Variants in CDK13 observed in about 807,000 individuals in gnomAD.
The protein encoded by CDK13 is cyclin dependent kinase 13, also known as cyclin-dependent kinase 13.
Under a neutral mutation model 137.6 loss-of-function variants are expected in CDK13, and 40 were observed. That is an observed-to-expected ratio of 0.29 (90% CI 0.23 to 0.38). CDK13 has a LOEUF of 0.38. Ranked by LOEUF, CDK13 falls within the 10% of genes least tolerant of loss-of-function variation. The pLI, the probability that CDK13 is intolerant of heterozygous loss-of-function variation, is 1.00. For missense variants in CDK13, 1,704 were observed against 1,951.8 expected (o/e 0.87, Z 2.39); for synonymous variants, 869 against 760.1 (o/e 1.14, Z -2.36).
At chr7:39,973,133 C>G (rs975626696) in intron 1 of CDK13, among the ~76,000 whole-genome samples, 1 of 152,044 alleles carries the variant, frequency 6.6e-6, no homozygotes, top group East Asian at 1.9e-4. Flanking sequence ...CTTGTCCACC[C>G]CCACTACCCC....
At position 39,987,637 on chromosome 7, in the gene CDK13, C is replaced by G; in HGVS notation, c.1250C>G (p.Ser417Cys). 1 of 1,610,180 alleles carries G rather than the reference C, an allele frequency of 6.2e-7. No individual in the cohort carries two copies. The highest frequency in any genetic ancestry group is 8.5e-7 in the Non-Finnish European group (1 of 1,179,014). Residue 417 changes from serine (S) to cysteine (C), a missense_variant, in exon 2 of 14, where the codon TCT (serine) becomes TGT (cysteine). By Grantham distance (112) the Ser-to-Cys change is moderately radical (BLOSUM62 -1). This residue lies in a region of CDK13 where 1,051 missense variants were observed against 931.0 expected (regional missense o/e 1.13). Coordinates refer to ENST00000181839, the MANE Select transcript of CDK13 (RefSeq NM_003718.5). ...GKSRSRSPYS[S>C]RHSRSRSRHR... ...TCCCGAAGCAGAAGCCCGTATTCAT[C>G]TAGGCATTCAAGATCTCGTAGCAGG...
intron 5 of CDK13, among the ~76,000 whole-genome samples, chr7:40,015,267 T>G (rs1477884541): frequency 6.6e-6 from 1 of 152,050 alleles, no homozygotes; most frequent in African/African-American, 2.4e-5. Context: ...AGGGAAACTG[T>G]GGGCAAGTAG....
At chr7:39,952,410 C>G (rs1787256299) in intron 1 of CDK13, 1 of 152,062 alleles carries the variant, frequency 6.6e-6, no homozygotes, top group Non-Finnish European at 1.5e-5. Context: ...GTTAAAAAAG[C>G]TTAGGTGGAA....
intron 5 of CDK13, among the ~76,000 whole-genome samples, chr7:40,009,576 GT>G (rs1784855881): frequency 6.6e-6 from 1 of 152,200 alleles, no homozygotes; most frequent in Admixed American, 6.5e-5. Context: ...CATTCTGAAT[GT>G]CCTTAGGGGT....
chr7:40,003,671 G>A (rs1292657964), intron 5 of CDK13, among the ~76,000 whole-genome samples: 2 of 152,146 alleles, frequency 1.3e-5, no homozygotes, highest in African/African-American at 4.8e-5. Context: ...AGCCAAATCA[G>A]TGTATTTGAT....
rs76544918 is a variant in CDK13 at position 40,097,535 on chromosome 7, A to G, written c.*2555A>G. 17 of 152,276 alleles carry G rather than the reference A, an allele frequency of 1.1e-4. No individual in the cohort carries two copies. Among genetic ancestry groups the G allele is most frequent in the African/African-American group, 4.1e-4 (17 of 41,582 alleles). The allele number at this position is 152,276 out of a possible 1,614,324, so 9.4% of individuals were successfully genotyped here. ...CACTAGTTCTGTAGGTTATAACAGC[A>G]GTCATCGCTGAAAATTTGAGTGAAA... is the stretch of plus-strand genomic sequence containing the variant. On this transcript the variant is annotated 3_prime_UTR_variant, in exon 14 of 14. Transcript: ENST00000181839.
Position 40,095,074 on chromosome 7 carries a change from A to T in CDK13, c.*94A>T. On this transcript the variant is annotated 3_prime_UTR_variant, in exon 14 of 14. Transcript: ENST00000181839. ...AATCCAAGAGACTTGAATAATAATA[A>T]TTCAACAACAGCTTTATTTTTATGT... The T allele has an allele frequency of 1.8e-6, 2 of 1,084,132 alleles. No homozygotes were observed. The highest frequency in any genetic ancestry group is 2.5e-6 in the Non-Finnish European group (2 of 812,616). 67.2% of individuals were successfully genotyped at this position (1,084,132 alleles called of 1,614,324 possible).
At chr7:39,988,389 T>G (rs1235661171) in intron 2 of CDK13, 131 bp downstream of exon 2, 1 of 625,320 alleles carries the variant, frequency 1.6e-6, no homozygotes, top group Non-Finnish European at 2.7e-6. Flanking sequence ...ATGAATTTTC[T>G]TGATTATATG....
In CDK13 at chr7:40,097,760, A is replaced by G. The variant is rs558593932; in HGVS notation, c.*2780A>G. Reference sequence around the variant, plus strand: ...AACTCAGTATGTTTCCTACGTCTTCATTATTTGTTGGAGAGTTGCAAGTCA... The same window carrying G: ...AACTCAGTATGTTTCCTACGTCTTCGTTATTTGTTGGAGAGTTGCAAGTCA... On this transcript the variant is annotated 3_prime_UTR_variant, in exon 14 of 14. Coordinates refer to ENST00000181839, the MANE Select transcript of CDK13 (RefSeq NM_003718.5). 2.6e-5 allele frequency: 4 copies of G among 152,218 alleles called. No individual in the cohort carries two copies. Among genetic ancestry groups the G allele is most frequent in the South Asian group, 4.1e-4 (2 of 4,824 alleles). 9.4% of individuals were successfully genotyped at this position (152,218 alleles called of 1,614,324 possible). A position where few individuals can be genotyped will look rare whatever the true frequency, so the allele number is the denominator to read the frequency against.
chr7:39,951,201 C>T lies in CDK13; in HGVS notation c.560C>T (p.Thr187Ile). The T allele has an allele frequency of 8.0e-7, 1 of 1,252,058 alleles. No individual in the cohort carries two copies. The highest frequency in any genetic ancestry group is 1.6e-5 in the African/African-American group (1 of 64,356). 77.6% of individuals were successfully genotyped at this position (1,252,058 alleles called of 1,614,324 possible). A position where few individuals can be genotyped will look rare whatever the true frequency, so the allele number is the denominator to read the frequency against. ...GGGAGTCCGGCCTCCTCCTCCGGCA[C>T]CCAGCGGCGCGGGGAGGGGTCGGAG... is the stretch of plus-strand genomic sequence containing the variant. ...SGGSPASSSG[T>I]QRRGEGSERR... is the part of the protein sequence containing the mutation. The change falls in exon 1 of 14, where the codon ACC (threonine) becomes ATC (isoleucine). Residue 187 changes from threonine to isoleucine, a missense_variant. Transcript: ENST00000181839.
In CDK13 at chr7:40,082,692, G is replaced by A. The variant is rs909713638; in HGVS notation, c.3029+3841G>A. ...TGTAATCCCAGCTACTCAGAAGGCT[G>A]AGGCAGGAGAGTCACTTGAGCCTGG... On this transcript the variant is annotated intron_variant, in intron 11 of 13. Transcript: ENST00000181839. Among the ~76,000 whole-genome samples the A allele has an allele frequency of 2.0e-5, 3 of 150,880 alleles. No homozygotes were observed. The South Asian group carries it at 6.3e-4, about 32-fold the overall frequency.
chr7:40,095,258 G>A lies in CDK13; in HGVS notation c.*278G>A, dbSNP rs919463398. On this transcript the variant is annotated 3_prime_UTR_variant, in exon 14 of 14. Transcript: ENST00000181839. ...GTTTTAAGTGGATGCTAATTTTAGG[G>A]GCATAAGCCTTTTATGGCCCTCTTG... 1 of 222,492 alleles carries A rather than the reference G, an allele frequency of 4.5e-6. No individual in the cohort carries two copies. The highest frequency in any genetic ancestry group is 5.8e-5 in the Admixed American group (1 of 17,198). 13.8% of individuals were successfully genotyped at this position (222,492 alleles called of 1,614,324 possible).
chr7:39,954,848 G>A (rs572371233), intron 1 of CDK13, among the ~76,000 whole-genome samples: 3 of 152,210 alleles, frequency 2.0e-5, no homozygotes, highest in African/African-American at 7.2e-5. Flanking sequence ...CAAACTCCTG[G>A]GCTCAAATGA....
chr7:39,958,678 T>TA lies in CDK13; in HGVS notation c.1211+6829dup, dbSNP rs1787503153. On this transcript the variant is annotated intron_variant, in intron 1 of 13. Coordinates refer to ENST00000181839, the MANE Select transcript of CDK13 (RefSeq NM_003718.5). ...AATTGTTTGGCTGAATCCACTTTGATAAATTCTTAGTTTTGTTTTTTTTTT... is the reference window on the plus strand; with the variant it reads ...AATTGTTTGGCTGAATCCACTTTGATAAAATTCTTAGTTTTGTTTTTTTTTT... Among the ~76,000 whole-genome samples, 4 of 152,264 alleles carry TA rather than the reference T, an allele frequency of 2.6e-5. No homozygotes were observed. The South Asian group carries it at 8.3e-4, about 32-fold the overall frequency.
At chr7:40,012,751 A>T (rs1308628224) in intron 5 of CDK13, among the ~76,000 whole-genome samples, 4 of 152,090 alleles carry the variant, frequency 2.6e-5, no homozygotes, top group African/African-American at 9.7e-5. Context: ...GTCTCTACTA[A>T]AAATACAAAA....
At chr7:39,984,042 A>G (rs1784284684) in intron 1 of CDK13, 1 of 152,088 alleles carries the variant, frequency 6.6e-6, no homozygotes, top group Non-Finnish European at 1.5e-5. Context: ...TTTATCCTAA[A>G]CCTAATCATC....
At chr7:39,987,549 A>G in intron 1 of CDK13, 50 bp from the exon 2 acceptor site, 1 of 1,450,260 alleles carries the variant, frequency 6.9e-7, no homozygotes, top group Non-Finnish European at 9.2e-7. Flanking sequence ...TGTAAATTCC[A>G]AACTGAACCT....
chr7:40,087,033 G>A (rs944906699), intron 11 of CDK13, among the ~76,000 whole-genome samples: 2 of 151,856 alleles, frequency 1.3e-5, no homozygotes, highest in African/African-American at 4.8e-5. Context: ...GAACTCCTGA[G>A]CTCAAGTGAT....
At chr7:39,992,099 ACACACG>A (rs1350159289) in intron 2 of CDK13, among the ~76,000 whole-genome samples, 1,961 of 120,020 alleles carry the variant, frequency 0.016, 29 homozygotes, top group African/African-American at 0.11. Context: ...ACACACACAC[ACACACG>A]CACACACACA....
Sources: gnomAD v4.1 joint callset for allele counts (sites outside exome capture counted in the v4.1 genomes callset) on GRCh38, gnomAD v4.1.1 for gene constraint, gnomAD v4.1.1 regional missense constraint, MANE v1.5 for transcripts, NCBI Gene and HGNC (gene_info 2026-07-23, HGNC 2026-07-21) for gene names.